DLGAP2: variants seen among roughly 807,000 people sequenced by gnomAD.
The protein encoded by DLGAP2 is disks large-associated protein 2.
Under a neutral mutation model 100.3 loss-of-function variants are expected in DLGAP2, and 26 were observed. The ratio of observed to expected loss-of-function variants is 0.26; its 90% confidence interval spans 0.19 to 0.36. The LOEUF is 0.36. Ranked by LOEUF, DLGAP2 falls within the 10% of genes least tolerant of loss-of-function variation. The probability of loss-of-function intolerance (pLI) is 1.00; values close to 1 mark genes in which losing one functional copy is unlikely to be tolerated. For missense variants in DLGAP2, 1,858 were observed against 1,453.2 expected (o/e 1.28, Z -4.53); for synonymous variants, 886 against 630.1 (o/e 1.41, Z -6.08).
Position 1,567,472 on chromosome 8 carries a change from G to GA in DLGAP2, c.1442+1584dup, listed in dbSNP as rs770257577. Among the ~76,000 whole-genome samples the GA allele has an allele frequency of 6.5e-4, 99 of 152,264 alleles. 1 individual carries two copies. In the Middle Eastern group the frequency reaches 0.01, roughly 16 times the overall value. On this transcript the variant is annotated intron_variant, in intron 6 of 14. Coordinates refer to ENST00000637795, the MANE Select transcript of DLGAP2 (RefSeq NM_001346810.2). ...TTCTATATGTTTGAAAGCAAAACAT[G>GA]AAAAAACCAAAGCCTTTTTTAGACC...
chr8:952,705 A>G (rs1436009588), intron 2 of DLGAP2, among the ~76,000 whole-genome samples: 4 of 152,228 alleles, frequency 2.6e-5, no homozygotes, highest in African/African-American at 9.6e-5. Context: ...GTATATATGA[A>G]AAAACACCTA....
intron 2 of DLGAP2, among the ~76,000 whole-genome samples, chr8:1,221,222 T>G (rs1044734561): frequency 1.3e-5 from 2 of 152,212 alleles, no homozygotes; most frequent in Non-Finnish European, 2.9e-5. Flanking sequence ...TGTGTTTTTG[T>G]GGTGGCAGAT....
intron 2 of DLGAP2, among the ~76,000 whole-genome samples, chr8:1,156,638 C>CATCTCA: frequency 6.8e-6 from 1 of 147,630 alleles, no homozygotes; most frequent in Non-Finnish European, 1.5e-5. Flanking sequence ...CCCAGCGCCC[C>CATCTCA]GGCTCAGCGC....
At chr8:1,417,166 A>G (rs1162897187) in intron 3 of DLGAP2, among the ~76,000 whole-genome samples, 1,135 of 77,942 alleles carry the variant, frequency 0.015, 59 homozygotes, top group African/African-American at 0.056. Context: ...GTGAAGGGGA[A>G]GCCCCCGTTC....
At chr8:1,649,172 T>C (rs1798108209) in intron 8 of DLGAP2, among the ~76,000 whole-genome samples, 1 of 152,242 alleles carries the variant, frequency 6.6e-6, no homozygotes, top group Admixed American at 6.5e-5. Context: ...CAAAAGCCAA[T>C]GCTATATATC....
At chr8:1,386,846 A>G (rs190165312) in intron 3 of DLGAP2, among the ~76,000 whole-genome samples, 1 of 152,334 alleles carries the variant, frequency 6.6e-6, no homozygotes, top group East Asian at 1.9e-4. Flanking sequence ...AAAAAATGCT[A>G]TGACTATGTT....
chr8:1,695,505 C>G (rs958500779), intron 13 of DLGAP2, among the ~76,000 whole-genome samples: 1 of 141,404 alleles, frequency 7.1e-6, no homozygotes, highest in African/African-American at 2.7e-5. Flanking sequence ...ATGCCCGGCC[C>G]TACAGAAAGG....
chr8:812,719 G>T lies in DLGAP2; in HGVS notation c.18+74894G>T, dbSNP rs1426832555. Among the ~76,000 whole-genome samples, 3 of 152,112 alleles carry T rather than the reference G, an allele frequency of 2.0e-5. No individual in the cohort carries two copies. The South Asian group carries it at 6.2e-4, about 32-fold the overall frequency. On this transcript the variant is annotated intron_variant, in intron 1 of 14. Transcript: ENST00000637795. ...GAGATTTAATCAAAGCTTTGATAAGGACGGGGATAACAGATTAGCAATCAT... is the reference window on the plus strand; with the variant it reads ...GAGATTTAATCAAAGCTTTGATAAGTACGGGGATAACAGATTAGCAATCAT...
chr8:1,504,142 C>T (rs1157369661), intron 4 of DLGAP2, among the ~76,000 whole-genome samples: 1 of 151,346 alleles, frequency 6.6e-6, no homozygotes, highest in African/African-American at 2.5e-5. Context: ...GCCCAGGCCC[C>T]ACCTGATGTA....
intron 1 of DLGAP2, among the ~76,000 whole-genome samples, chr8:787,622 G>C (rs1048365153): frequency 1.3e-5 from 2 of 152,218 alleles, no homozygotes; most frequent in Non-Finnish European, 2.9e-5. Context: ...CCCGGAGTCA[G>C]GTTCCACCAG....
At position 1,174,706 on chromosome 8, in the gene DLGAP2, A is replaced by G. The variant is rs532136529; in HGVS notation, c.74-84145A>G. Reference sequence around the variant, plus strand: ...CATCATCATTACCATCACCACCACTATCACCATCACCACCATCATTACCAT... The same window carrying G: ...CATCATCATTACCATCACCACCACTGTCACCATCACCACCATCATTACCAT... On this transcript the variant is annotated intron_variant, in intron 2 of 14. Coordinates refer to ENST00000637795, the MANE Select transcript of DLGAP2 (RefSeq NM_001346810.2). 5.3e-5 allele frequency among the ~76,000 whole-genome samples: 7 copies of G among 132,672 alleles called. No individual in the cohort carries two copies. The East Asian group carries it at 9.7e-4, about 18-fold the overall frequency. 87.0% of individuals were successfully genotyped at this position (132,672 alleles called of 152,430 possible).
intron 1 of DLGAP2, among the ~76,000 whole-genome samples, chr8:865,435 C>G (rs555368090): frequency 1.2e-4 from 19 of 152,310 alleles, no homozygotes; most frequent in Non-Finnish European, 2.6e-4. Flanking sequence ...GGCGTCAGGT[C>G]TACTTGCAGC....
intron 1 of DLGAP2, among the ~76,000 whole-genome samples, chr8:741,125 C>A (rs1005538552): frequency 9.2e-5 from 14 of 152,188 alleles, no homozygotes; most frequent in African/African-American, 7.2e-5. Context: ...TTTGTTGTTT[C>A]CTGGGTACTT....
At chr8:1,289,126 C>T (rs1040080010) in intron 3 of DLGAP2, among the ~76,000 whole-genome samples, 6 of 152,168 alleles carry the variant, frequency 3.9e-5, no homozygotes, top group African/African-American at 1.4e-4. Context: ...ATTGAGACCC[C>T]AGGCTGTTTT....
At chr8:972,132 C>G (rs1457570211) in intron 2 of DLGAP2, among the ~76,000 whole-genome samples, 2 of 152,190 alleles carry the variant, frequency 1.3e-5, no homozygotes, top group African/African-American at 4.8e-5. Context: ...ACCTCTTAAA[C>G]CTACATCTAT....
chr8:1,195,259 C>A (rs925415261), intron 2 of DLGAP2, among the ~76,000 whole-genome samples: 1 of 152,208 alleles, frequency 6.6e-6, no homozygotes, highest in Non-Finnish European at 1.5e-5. Context: ...GTTCTGCCTC[C>A]CGCTGGCCAA....
At chr8:882,726 T>C (rs1239694783) in intron 1 of DLGAP2, among the ~76,000 whole-genome samples, 9 of 148,038 alleles carry the variant, frequency 6.1e-5, no homozygotes, top group African/African-American at 1.5e-4. Context: ...AGGCCTCTCC[T>C]GCGCGCACCC....
At chr8:867,847 C>T (rs1105954) in intron 1 of DLGAP2, among the ~76,000 whole-genome samples, 62,997 of 152,056 alleles carry the variant, frequency 0.41, 13,981 homozygotes, top group Non-Finnish European at 0.51. Flanking sequence ...ATTATTTAAG[C>T]GGTGTGTTTA....
intron 3 of DLGAP2, among the ~76,000 whole-genome samples, chr8:1,273,001 A>G (rs893285005): frequency 6.6e-6 from 1 of 152,162 alleles, no homozygotes; most frequent in Non-Finnish European, 1.5e-5. Flanking sequence ...TTCCAAAGCC[A>G]TCTGGGTCCA....
Sources: allele counts gnomAD v4.1 joint callset (sites outside exome capture counted in the v4.1 genomes callset), GRCh38; gene constraint gnomAD v4.1.1; transcripts MANE v1.5; gene names NCBI Gene and HGNC (gene_info 2026-07-23, HGNC 2026-07-21).